PLEK2: variants seen among roughly 807,000 people sequenced by gnomAD.
The protein encoded by PLEK2 is pleckstrin-2.
Under a neutral mutation model 43.8 loss-of-function variants are expected in PLEK2, and 29 were observed. The ratio of observed to expected loss-of-function variants is 0.66; its 90% CI spans 0.49 to 0.90. The LOEUF (loss-of-function observed/expected upper bound fraction) is 0.90, where lower values mean the gene tolerates loss of function less well. PLEK2 is among the 40% of genes least tolerant of loss of function. The pLI, the probability that PLEK2 is intolerant of heterozygous loss-of-function variation, is 0.00. For missense variants in PLEK2, 398 were observed against 448.1 expected (o/e 0.89, Z 1.01); for synonymous variants, 162 against 173.2 (o/e 0.94, Z 0.51).
In PLEK2 at chr14:67,387,351, T is replaced by C. The variant is rs759324362; in HGVS notation, c.1040A>G (p.Glu347Gly). The change falls in exon 9 of 9, where the codon GAA (glutamate) becomes GGA (glycine). Residue 347 changes from glutamate to glycine, a missense_variant. Transcript: ENST00000216446. ...TTGTCATGTTAGCTTTTTGATAGCT[T>C]CAATCCACTCGGCTCGCTCAGCCTT... The part of the protein sequence containing the change: ...SSKAERAEWI[E>G]AIKKLT 1.2e-6 allele frequency: 2 copies of C among 1,611,456 alleles called. No individual in the cohort carries two copies. Among genetic ancestry groups the C allele is most frequent in the Non-Finnish European group, 1.7e-6 (2 of 1,179,166 alleles).
intron 7 of PLEK2, among the ~76,000 whole-genome samples, chr14:67,389,426 AAATT>A (rs2085951607): frequency 6.6e-6 from 1 of 152,120 alleles, no homozygotes; most frequent in African/African-American, 2.4e-5. Flanking sequence ...AGTGCGGAAC[AAATT>A]AATTGCAGAA....
rs749469279 is a variant in PLEK2 at position 67,395,373 on chromosome 14, C to T, written c.389+29G>A. On this transcript the variant is annotated intron_variant, in intron 3 of 8. Transcript: ENST00000216446. ...CACCCAACACAGGCAGGAGAGGCTG[C>T]CACAGAGCCCGGCAAGTGGGGCACT... 1.3e-4 allele frequency: 212 copies of T among 1,604,626 alleles called. No homozygotes were observed. The East Asian group carries it at 4.6e-3, about 35-fold the overall frequency.
intron 6 of PLEK2, among the ~76,000 whole-genome samples, chr14:67,391,367 G>T (rs546452896): frequency 5.3e-5 from 8 of 150,768 alleles, no homozygotes; most frequent in African/African-American, 2.0e-4. Context: ...AGCCCTCCTA[G>T]TCAGGAACAC....
chr14:67,400,853 G>A (rs2086043248), intron 1 of PLEK2, among the ~76,000 whole-genome samples: 1 of 151,990 alleles, frequency 6.6e-6, no homozygotes, highest in Non-Finnish European at 1.5e-5. Context: ...AGCTGGGCAT[G>A]GTGGCACACA....
chr14:67,387,698 G>T (rs954174700), intron 8 of PLEK2, among the ~76,000 whole-genome samples: 7 of 152,170 alleles, frequency 4.6e-5, no homozygotes, highest in African/African-American at 1.7e-4. Context: ...AAGCCCTCTT[G>T]CCTGCTCCCT....
chr14:67,388,135 C>A (rs2085940093), intron 8 of PLEK2, 89 bp downstream of exon 8: 1 of 838,954 alleles, frequency 1.2e-6, no homozygotes, highest in Non-Finnish European at 2.0e-6. Flanking sequence ...GCTCGGCTCC[C>A]AAAGCTGTCA....
chr14:67,401,914 T>G (rs951537905), intron 1 of PLEK2, among the ~76,000 whole-genome samples: 1 of 152,118 alleles, frequency 6.6e-6, no homozygotes, highest in African/African-American at 2.4e-5. Flanking sequence ...ACCCAACTCC[T>G]GAGGTCAGGA....
At chr14:67,409,563 A>G (rs547540833) in intron 1 of PLEK2, among the ~76,000 whole-genome samples, 1 of 151,454 alleles carries the variant, frequency 6.6e-6, no homozygotes, top group Non-Finnish European at 1.5e-5. Context: ...CAGGAAAAGC[A>G]CTCCTGCTCA....
chr14:67,402,340 T>A (rs1028079783), intron 1 of PLEK2, among the ~76,000 whole-genome samples: 4 of 152,212 alleles, frequency 2.6e-5, no homozygotes, highest in African/African-American at 9.7e-5. Flanking sequence ...TGAGCTATTT[T>A]GATACAGGCA....
chr14:67,411,987 G>A (rs1357030429), intron 1 of PLEK2, 31 bp downstream of exon 1: 8 of 1,527,956 alleles, frequency 5.2e-6, no homozygotes, highest in Non-Finnish European at 7.0e-6. Context: ...GCCCCACCCG[G>A]GCAATGTCCC....
intron 1 of PLEK2, among the ~76,000 whole-genome samples, chr14:67,406,086 C>T (rs1340615440): frequency 6.6e-6 from 1 of 151,940 alleles, no homozygotes; most frequent in African/African-American, 2.4e-5. Flanking sequence ...AGGTTAAACC[C>T]CGTCTCTACT....
Position 67,393,237 on chromosome 14 carries a change from T to C in PLEK2, c.394A>G (p.Ile132Val), listed in dbSNP as rs748436247. Residue 132 changes from isoleucine (I) to valine (V), a missense_variant, in exon 4 of 9, where the codon ATT (isoleucine) becomes GTT (valine). Coordinates refer to ENST00000216446, the MANE Select transcript of PLEK2 (RefSeq NM_016445.3). ...TTGCTATCGTGCATCTTGTCCACAATGCGACTACATGGAAGGGAAGGCAAA... is the reference window on the plus strand; with the variant it reads ...TTGCTATCGTGCATCTTGTCCACAACGCGACTACATGGAAGGGAAGGCAAA... ...KLPPHISLHR[I>V]VDKMHDSNTG... 1.2e-6 allele frequency: 2 copies of C among 1,611,824 alleles called. No individual in the cohort carries two copies. Among genetic ancestry groups the C allele is most frequent in the Non-Finnish European group, 1.7e-6 (2 of 1,177,948 alleles).
Position 67,393,385 on chromosome 14 carries a change from C to T in PLEK2, c.390-144G>A, listed in dbSNP as rs185401122. ...AAAGAAAAGGGGTGTAGGAAAGCAG[C>T]CTTTTGAATGGCAAGAGTGATGCCA... On this transcript the variant is annotated intron_variant, in intron 3 of 8. Coordinates refer to ENST00000216446, the MANE Select transcript of PLEK2 (RefSeq NM_016445.3). 8.7e-6 allele frequency: 6 copies of T among 690,800 alleles called. No individual in the cohort carries two copies. In the Admixed American group the frequency reaches 1.1e-4, roughly 13 times the overall value. The allele number at this position is 690,800 out of a possible 1,614,324, so 42.8% of individuals were successfully genotyped here.
chr14:67,398,931 G>A (rs535560614), intron 1 of PLEK2, among the ~76,000 whole-genome samples: 100 of 152,306 alleles, frequency 6.6e-4, no homozygotes, highest in South Asian at 1.9e-3. Flanking sequence ...TTTTAATGAC[G>A]ATTATGTGGA....
Position 67,393,133 on chromosome 14 carries a change from C to T in PLEK2, c.481+17G>A. 6.3e-7 allele frequency: 1 copy of T among 1,589,202 alleles called. No homozygotes were observed. The highest frequency in any genetic ancestry group is 8.6e-7 in the Non-Finnish European group (1 of 1,157,264). On this transcript the variant is annotated intron_variant, in intron 4 of 8. Coordinates refer to ENST00000216446, the MANE Select transcript of PLEK2 (RefSeq NM_016445.3). ...CCCAGCTTGACTGCCCAGCCCGGCCCTGGGGGACAGGCTCACCGAGGAAGG... is the reference window on the plus strand; with the variant it reads ...CCCAGCTTGACTGCCCAGCCCGGCCTTGGGGGACAGGCTCACCGAGGAAGG...
intron 1 of PLEK2, among the ~76,000 whole-genome samples, chr14:67,404,958 G>C (rs200589212): frequency 6.6e-6 from 1 of 152,068 alleles, no homozygotes; most frequent in Admixed American, 6.6e-5. Context: ...TGGTGGCCAG[G>C]TGCGGTGGCT....
At chr14:67,390,835 A>C in intron 6 of PLEK2, 89 bp from the exon 7 acceptor site, 1 of 893,140 alleles carries the variant, frequency 1.1e-6, no homozygotes. Flanking sequence ...AACCCCCAAC[A>C]AGCCAGCCCG....
chr14:67,391,894 T>G (rs147450642), intron 6 of PLEK2, among the ~76,000 whole-genome samples: 17 of 152,194 alleles, frequency 1.1e-4, no homozygotes, highest in African/African-American at 3.6e-4. Flanking sequence ...GAGAAAATTG[T>G]TTTTAGCTCA....
Position 67,395,555 on chromosome 14 carries a change from G to A in PLEK2, c.236C>T (p.Ser79Phe). Residue 79 changes from serine to phenylalanine, a missense_variant, in exon 3 of 9, where the codon TCC becomes TTC. Ser to Phe is a radical substitution (Grantham distance 155). Transcript: ENST00000216446. ...ACAGGCCTCCAGGAAGTACTCCGTG[G>A]ATGTTTGAGTCTTCAGCTTAATGAG... ...PLLIKLKTQT[S>F]TEYFLEACSR... 1 of 1,614,162 alleles carries A rather than the reference G, an allele frequency of 6.2e-7. No homozygotes were observed. Among genetic ancestry groups the A allele is most frequent in the Non-Finnish European group, 8.5e-7 (1 of 1,179,998 alleles).
Sources: allele counts gnomAD v4.1 joint callset (sites outside exome capture counted in the v4.1 genomes callset), GRCh38; gene constraint gnomAD v4.1.1; transcripts MANE v1.5; gene names NCBI Gene and HGNC (gene_info 2026-07-23, HGNC 2026-07-21).